TCF25: variants seen among roughly 807,000 people sequenced by gnomAD.
TCF25 encodes the protein TCF25 ribosome quality control complex subunit, also known as ribosome quality control complex subunit TCF25.
A neutral mutation model predicts 83.1 loss-of-function variants in TCF25; 41 were observed. The observed-to-expected ratio is 0.49, with a 90% CI of 0.38 to 0.64. The LOEUF is 0.64. Among genes scored for constraint, TCF25 ranks in the 30% least tolerant of loss-of-function variants. TCF25 has a pLI of 0.00. For missense variants in TCF25, 979 were observed against 914.5 expected (o/e 1.07, Z -0.91); for synonymous variants, 458 against 365.0 (o/e 1.25, Z -2.90).
rs1281386262 is a variant in TCF25 at position 89,900,729 on chromosome 16, A to G, written c.1316A>G (p.Glu439Gly). 6.2e-7 allele frequency: 1 copy of G among 1,602,396 alleles called. No homozygotes were observed. The highest frequency in any genetic ancestry group is 1.3e-5 in the African/African-American group (1 of 74,850). ...CAGCAGACAGACCTCCCTGAGTGTGAGCAGAGCTCTGCCAGGCAGAAGGCC... is the reference window on the plus strand; with the variant it reads ...CAGCAGACAGACCTCCCTGAGTGTGGGCAGAGCTCTGCCAGGCAGAAGGCC... ...LSQQTDLPEC[E>G]QSSARQKASL... Residue 439 changes from glutamate (E) to glycine (G), a missense_variant, in exon 12 of 18, where the codon GAG (glutamate) becomes GGG (glycine). Glu to Gly is a moderately conservative substitution (Grantham distance 98, BLOSUM62 -2). Coordinates refer to ENST00000263346, the MANE Select transcript of TCF25 (RefSeq NM_014972.3).
chr16:89,898,614 G>A lies in TCF25; in HGVS notation c.1080G>A (p.Pro360=), dbSNP rs77077602. 8.7e-4 allele frequency: 1,397 copies of A among 1,612,758 alleles called. 2 individuals carry two copies. Among genetic ancestry groups the A allele is most frequent in the African/African-American group, 1.7e-3 (128 of 74,852 alleles). The change falls in exon 10 of 18, where the codon CCG becomes CCA. Residue 360 remains proline (P), a synonymous_variant. Coordinates refer to ENST00000263346, the MANE Select transcript of TCF25 (RefSeq NM_014972.3). Reference sequence around the variant, plus strand: ...GCTTCCTGGAGAAGCGAGGCTGCCCGCGCACGGCGCTGGAGTACTGCAAGC... The same window carrying A: ...GCTTCCTGGAGAAGCGAGGCTGCCCACGCACGGCGCTGGAGTACTGCAAGC... ...QMSFLEKRGC[P]RTALEYCKLI...
At chr16:89,887,514 T>A (rs1597305039) in intron 4 of TCF25, 138 bp from the exon 5 acceptor site, 2 of 714,960 alleles carry the variant, frequency 2.8e-6, no homozygotes, top group African/African-American at 3.8e-5. Context: ...GGTGGTGATT[T>A]TAGAGAAAGG....
chr16:89,878,355 G>A lies in TCF25; in HGVS notation c.192+4496G>A, dbSNP rs1008134346. On this transcript the variant is annotated intron_variant, in intron 1 of 17. Coordinates refer to ENST00000263346, the MANE Select transcript of TCF25 (RefSeq NM_014972.3). ...AATCCCAGCACTGTGGGAGGCCAAGGCGGGTGGACCACCTGAGGTCAGGAG... is the reference window on the plus strand; with the variant it reads ...AATCCCAGCACTGTGGGAGGCCAAGACGGGTGGACCACCTGAGGTCAGGAG... 4 of 1,073,648 alleles carry A rather than the reference G, an allele frequency of 3.7e-6. No homozygotes were observed. The African/African-American group carries it at 6.8e-5, about 18-fold the overall frequency. The allele number at this position is 1,073,648 out of a possible 1,614,324, so 66.5% of individuals were successfully genotyped here.
At chr16:89,888,001 C>T (rs2144058526) in intron 5 of TCF25, among the ~76,000 whole-genome samples, 1 of 152,324 alleles carries the variant, frequency 6.6e-6, no homozygotes, top group African/African-American at 2.4e-5. Flanking sequence ...GTGCAGTGCT[C>T]ACGCCTGTAA....
chr16:89,897,340 G>A (rs1027514120), intron 9 of TCF25, among the ~76,000 whole-genome samples: 3 of 152,230 alleles, frequency 2.0e-5, no homozygotes, highest in African/African-American at 7.2e-5. Flanking sequence ...AGGCCTTCCC[G>A]CAGCCTGTCC....
At chr16:89,906,978 TTCCCCA>T in intron 15 of TCF25, among the ~76,000 whole-genome samples, 1 of 152,182 alleles carries the variant, frequency 6.6e-6, no homozygotes, top group Non-Finnish European at 1.5e-5. Context: ...ACCCCCTTCC[TTCCCCA>T]CCACACACTC....
At chr16:89,887,389 C>G (rs1350233310) in intron 4 of TCF25, among the ~76,000 whole-genome samples, 1 of 152,158 alleles carries the variant, frequency 6.6e-6, no homozygotes. Context: ...GCCTCAGAAA[C>G]AGACGTGTGC....
At chr16:89,899,980 C>T (rs980264248) in intron 11 of TCF25, among the ~76,000 whole-genome samples, 4 of 152,192 alleles carry the variant, frequency 2.6e-5, no homozygotes, top group Non-Finnish European at 5.9e-5. Context: ...CAGGAAGTCT[C>T]ACCCCCAGGA....
At chr16:89,896,982 G>A (rs1597343842) in intron 9 of TCF25, among the ~76,000 whole-genome samples, 1 of 151,710 alleles carries the variant, frequency 6.6e-6, no homozygotes, top group African/African-American at 2.4e-5. Flanking sequence ...AGCTGAGATG[G>A]TACCAGTGCA....
chr16:89,910,286 C>G, intron 16 of TCF25: 1 of 450,686 alleles, frequency 2.2e-6, no homozygotes, highest in South Asian at 2.9e-5. Flanking sequence ...TTCTGAAAAG[C>G]AAGGCACCTG....
chr16:89,897,360 T>G (rs2144163147), intron 9 of TCF25, among the ~76,000 whole-genome samples: 1 of 152,356 alleles, frequency 6.6e-6, no homozygotes, highest in African/African-American at 2.4e-5. Context: ...CTGTGGGCCC[T>G]TTGTGGAGCA....
intron 14 of TCF25, among the ~76,000 whole-genome samples, chr16:89,905,329 G>T (rs1022200783): frequency 1.2e-4 from 19 of 152,190 alleles, no homozygotes. Flanking sequence ...GTTCCCGGGT[G>T]CCTCGGGCTG....
At chr16:89,885,143 G>C (rs1229779187) in intron 3 of TCF25, among the ~76,000 whole-genome samples, 1 of 151,918 alleles carries the variant, frequency 6.6e-6, no homozygotes, top group East Asian at 1.9e-4. Flanking sequence ...TTCTCTTCTG[G>C]CTGTTTTCCA....
chr16:89,879,387 C>T (rs1162538327), intron 1 of TCF25, among the ~76,000 whole-genome samples: 5 of 148,862 alleles, frequency 3.4e-5, no homozygotes, highest in African/African-American at 5.0e-5. Context: ...AGATGGGCTT[C>T]GGAGCCTGTC....
intron 5 of TCF25, chr16:89,889,564 T>TC (rs1904707810): frequency 6.2e-6 from 1 of 161,012 alleles, no homozygotes. Context: ...TTTTTTTTTT[T>TC]TTCGAGACAG....
Position 89,905,080 on chromosome 16 carries a change from G to A in TCF25, c.1612G>A (p.Glu538Lys), listed in dbSNP as rs2044667152. The change falls in exon 14 of 18, where the codon GAA becomes AAA. Residue 538 changes from glutamate to lysine, a missense_variant. Glu to Lys is a moderately conservative substitution (Grantham distance 56, BLOSUM62 1). Transcript: ENST00000263346. ...AGTGGACGCCGGGGACCCAGCCGTG[G>A]AAGCCTGTGAGAACCGGTGAGCTAG... is the stretch of plus-strand genomic sequence containing the variant. ...QAVDAGDPAV[E>K]ACENRRKVLY... 1 of 1,598,670 alleles carries A rather than the reference G, an allele frequency of 6.3e-7. No individual in the cohort carries two copies. Among genetic ancestry groups the A allele is most frequent in the Non-Finnish European group, 8.5e-7 (1 of 1,173,056 alleles).
At chr16:89,886,006 G>A (rs776515095) in intron 4 of TCF25, 40 bp downstream of exon 4, 118 of 1,558,104 alleles carry the variant, frequency 7.6e-5, no homozygotes, top group Non-Finnish European at 9.7e-5. Flanking sequence ...CCTTCTCTGC[G>A]GCTGCCCTTC....
rs759038457 is a variant in TCF25 at position 89,911,211 on chromosome 16, C to T, written c.2004C>T (p.Asp668=). The change falls in exon 18 of 18, where the codon GAC becomes GAT. Residue 668 remains aspartate (D), a synonymous_variant. Transcript: ENST00000263346. ...LNDLEAPHED[D]AEGEGEWD ...ACCTGGAGGCGCCGCACGAGGACGA[C>T]GCTGAGGGGGAGGGGGAGTGGGACT... The T allele has an allele frequency of 1.2e-5, 19 of 1,612,462 alleles. No individual in the cohort carries two copies. Among genetic ancestry groups the T allele is most frequent in the African/African-American group, 1.3e-5 (1 of 75,020 alleles).
chr16:89,886,429 A>G (rs1396853533), intron 4 of TCF25, among the ~76,000 whole-genome samples: 1 of 150,534 alleles, frequency 6.6e-6, no homozygotes, highest in Non-Finnish European at 1.5e-5. Context: ...CTGTGTCTCA[A>G]AAAAATAATA....
Sources: gnomAD v4.1 joint callset for allele counts (sites outside exome capture counted in the v4.1 genomes callset) on GRCh38, gnomAD v4.1.1 for gene constraint, MANE v1.5 for transcripts, NCBI Gene and HGNC (gene_info 2026-07-23, HGNC 2026-07-21) for gene names.